PRKN: variants seen among roughly 807,000 people sequenced by gnomAD.
PRKN encodes the protein E3 ubiquitin-protein ligase parkin.
Under a neutral mutation model 59.5 loss-of-function variants are expected in PRKN, and 56 were observed. The observed-to-expected ratio is 0.94, with a 90% CI of 0.76 to 1.18. The LOEUF (loss-of-function observed/expected upper bound fraction) is 1.18, where lower values mean the gene tolerates loss of function less well. Among genes scored for constraint, PRKN ranks in the 50% most tolerant of loss-of-function variants. PRKN has a pLI of 0.00. For missense variants in PRKN, 657 were observed against 596.4 expected, an observed-to-expected ratio of 1.10 and a Z score of -1.06; for synonymous variants, 250 against 222.1, an observed-to-expected ratio of 1.13 and a Z score of -1.12.
intron 1 of PRKN, among the ~76,000 whole-genome samples, chr6:162,676,579 T>C (rs1001058335): frequency 5.9e-5 from 9 of 152,158 alleles, no homozygotes; most frequent in African/African-American, 2.2e-4. Flanking sequence ...TATTGAATGA[T>C]AGCTTCCTCC....
chr6:162,621,103 A>ATAG (rs61223457), intron 1 of PRKN, among the ~76,000 whole-genome samples: 1 of 31,858 alleles, frequency 3.1e-5, no homozygotes, highest in African/African-American at 1.5e-4. Flanking sequence ...ATCTCCACAT[A>ATAG]TCCAGCTTTG....
chr6:162,358,562 T>G (rs1302721311), intron 2 of PRKN, among the ~76,000 whole-genome samples: 1 of 152,158 alleles, frequency 6.6e-6, no homozygotes, highest in Non-Finnish European at 1.5e-5. Context: ...TTTCTTATCT[T>G]TAAGACAATG....
chr6:162,284,751 A>AGG (rs1781105569), intron 2 of PRKN, among the ~76,000 whole-genome samples: 1 of 152,206 alleles, frequency 6.6e-6, no homozygotes, highest in South Asian at 2.1e-4. Context: ...GCCACAGACT[A>AGG]GCAGTTCATC....
chr6:162,301,559 C>T (rs191663147), intron 2 of PRKN, among the ~76,000 whole-genome samples: 3 of 152,114 alleles, frequency 2.0e-5, no homozygotes, highest in East Asian at 1.9e-4. Flanking sequence ...AGGCCTCCTG[C>T]GTTGGTCTTC....
Position 162,485,294 on chromosome 6 carries a change from A to T in PRKN, c.8-41821T>A, listed in dbSNP as rs1215904074. Among the ~76,000 whole-genome samples the T allele has an allele frequency of 4.6e-5, 7 of 152,128 alleles. No homozygotes were observed. In the East Asian group the frequency reaches 1.2e-3, roughly 25 times the overall value. On this transcript the variant is annotated intron_variant, in intron 1 of 11. Coordinates refer to ENST00000366898, the MANE Select transcript of PRKN (RefSeq NM_004562.3). The stretch of plus-strand genomic sequence containing the variant: ...ATTATTTTTTACTTACAGCATTAAA[A>T]CTCAGCTAGAGATAACAATTGTGTT...
chr6:161,663,452 A>T (rs949500461), intron 7 of PRKN, among the ~76,000 whole-genome samples: 4 of 152,192 alleles, frequency 2.6e-5, no homozygotes, highest in African/African-American at 9.7e-5. Flanking sequence ...TACAGAGTAC[A>T]GGCCATATTT....
At position 161,956,088 on chromosome 6, in the gene PRKN, T is replaced by G. The variant is rs76365378; in HGVS notation, c.734+17214A>C. On this transcript the variant is annotated intron_variant, in intron 6 of 11. Transcript: ENST00000366898. ...TCAGGGCCAAAATCTTGGCTAATAT[T>G]TACTGTCCATATGTGATCAGCACTG... 2.1e-3 allele frequency among the ~76,000 whole-genome samples: 323 copies of G among 152,306 alleles called. 1 individual carries two copies. Among genetic ancestry groups the G allele is most frequent in the African/African-American group, 7.4e-3 (308 of 41,568 alleles).
chr6:161,937,532 T>A (rs1397258444), intron 6 of PRKN, among the ~76,000 whole-genome samples: 1 of 152,214 alleles, frequency 6.6e-6, no homozygotes, highest in Non-Finnish European at 1.5e-5. Flanking sequence ...AAAGACAGTT[T>A]CAGAGATTTT....
Position 162,209,243 on chromosome 6 carries a change from T to G in PRKN, c.413-7991A>C, listed in dbSNP as rs143516501. On this transcript the variant is annotated intron_variant, in intron 3 of 11. Transcript: ENST00000366898. ...GAATCTACAAAGAACTCAAACAAAT[T>G]TACATGAAAAAAACAAGCAACCCCA... 1.8e-4 allele frequency among the ~76,000 whole-genome samples: 27 copies of G among 151,736 alleles called. No individual in the cohort carries two copies. In the East Asian group the frequency reaches 5.2e-3, roughly 29 times the overall value.
At chr6:162,176,269 C>T (rs1460971463) in intron 4 of PRKN, among the ~76,000 whole-genome samples, 1 of 152,088 alleles carries the variant, frequency 6.6e-6, no homozygotes, top group Non-Finnish European at 1.5e-5. Flanking sequence ...TTGGTTGAGG[C>T]TAGGCTAGTG....
intron 1 of PRKN, among the ~76,000 whole-genome samples, chr6:162,595,899 C>T (rs1650895202): frequency 6.6e-6 from 1 of 151,962 alleles, no homozygotes; most frequent in Admixed American, 6.6e-5. Context: ...AAAATAAGCT[C>T]ATTGAATATT....
In PRKN at chr6:162,424,738, G is replaced by GA. The variant is rs756618241; in HGVS notation, c.171+18571dup. On this transcript the variant is annotated intron_variant, in intron 2 of 11. Coordinates refer to ENST00000366898, the MANE Select transcript of PRKN (RefSeq NM_004562.3). ...TGACAGAGCAAGACTCTGTCTCAAAGAAAAAAAAAAAAAAGAAAAGAAAAG... is the reference window on the plus strand; with the variant it reads ...TGACAGAGCAAGACTCTGTCTCAAAGAAAAAAAAAAAAAAAGAAAAGAAAAG... Among the ~76,000 whole-genome samples, 908 of 121,008 alleles carry GA rather than the reference G, an allele frequency of 7.5e-3. 6 individuals are homozygous for GA. Among genetic ancestry groups the GA allele is most frequent in the African/African-American group, 0.019 (641 of 33,278 alleles). The allele number at this position is 121,008 out of a possible 152,430, so 79.4% of individuals were successfully genotyped here. A position where few individuals can be genotyped will look rare whatever the true frequency, so the allele number is the denominator to read the frequency against.
chr6:162,046,010 C>T (rs1784234535), intron 5 of PRKN, among the ~76,000 whole-genome samples: 1 of 152,194 alleles, frequency 6.6e-6, no homozygotes, highest in African/African-American at 2.4e-5. Context: ...ATTTATAAAT[C>T]TATTTGAAAT....
chr6:162,297,445 A>T (rs1583333683), intron 2 of PRKN, among the ~76,000 whole-genome samples: 1 of 143,326 alleles, frequency 7.0e-6, no homozygotes, highest in African/African-American at 2.5e-5. Flanking sequence ...GAAGGAAAAA[A>T]GGCACAATTC....
chr6:161,380,496 C>T (rs1400722712), intron 10 of PRKN, among the ~76,000 whole-genome samples: 3 of 146,646 alleles, frequency 2.0e-5, no homozygotes, highest in Admixed American at 7.0e-5. Context: ...CAGTGGCAAC[C>T]TCCACCTCCC....
chr6:161,850,317 C>T (rs566043901), intron 6 of PRKN, among the ~76,000 whole-genome samples: 6 of 152,262 alleles, frequency 3.9e-5, no homozygotes, highest in South Asian at 2.1e-4. Context: ...CGGCAGCTGA[C>T]GCCTATAATC....
At chr6:161,644,712 C>T (rs907050037) in intron 7 of PRKN, among the ~76,000 whole-genome samples, 7 of 152,146 alleles carry the variant, frequency 4.6e-5, no homozygotes, top group Non-Finnish European at 1.5e-5. Context: ...TCTGCTACCA[C>T]CTGGGGAGAG....
chr6:162,146,440 A>C (rs568219697), intron 4 of PRKN, among the ~76,000 whole-genome samples: 3 of 150,698 alleles, frequency 2.0e-5, no homozygotes, highest in South Asian at 2.1e-4. Context: ...ATATATATAT[A>C]TATCGATAGA....
rs117783800 is a variant in PRKN, at chr6:161,798,956, G to C, written c.735-13048C>G. On this transcript the variant is annotated intron_variant, in intron 6 of 11. Coordinates refer to ENST00000366898, the MANE Select transcript of PRKN (RefSeq NM_004562.3). ...ACCCTTTTCATCACAGGTCCCCGGG[G>C]TACTCACCCACTGGCTTCAATGTCT... Among the ~76,000 whole-genome samples the C allele has an allele frequency of 7.0e-3, 1,071 of 152,198 alleles. 6 individuals carry two copies. Among genetic ancestry groups the C allele is most frequent in the Admixed American group, 0.012 (181 of 15,292 alleles).
Sources: gnomAD v4.1 joint callset for allele counts (sites outside exome capture counted in the v4.1 genomes callset) on GRCh38, gnomAD v4.1.1 for gene constraint, MANE v1.5 for transcripts, NCBI Gene and HGNC (gene_info 2026-07-23, HGNC 2026-07-21) for gene names.